Variants in CCDC57 observed in about 807,000 individuals in gnomAD.
CCDC57 encodes the protein coiled-coil domain containing 57.
In CCDC57, 118 loss-of-function variants were observed where a neutral mutation model predicts 118.9. The observed-to-expected ratio is 0.99, with a 90% CI of 0.86 to 1.16. The LOEUF is 1.16. CCDC57 is among the 50% of genes most tolerant of loss of function. The pLI is 0.00. For missense variants in CCDC57, 1,300 were observed against 1,320.7 expected (o/e 0.98, Z 0.24); for synonymous variants, 527 against 532.9 (o/e 0.99, Z 0.15).
intron 14 of CCDC57, chr17:82,159,946 G>T (rs36043222): frequency 0.46 from 69,138 of 149,100 alleles, 17,348 homozygotes; most frequent in East Asian, 0.88. Flanking sequence ...TGGGATTACA[G>T]GCGTGAGCCA....
chr17:82,136,261 GGAATT>G (rs1335307406), intron 16 of CCDC57, among the ~76,000 whole-genome samples: 1 of 152,212 alleles, frequency 6.6e-6, no homozygotes, highest in Non-Finnish European at 1.5e-5. Flanking sequence ...CCCATGGAAA[GGAATT>G]AAGTGCAGAC....
intron 11 of CCDC57, among the ~76,000 whole-genome samples, chr17:82,177,547 G>C (rs1292825473): frequency 6.6e-6 from 1 of 152,132 alleles, no homozygotes; most frequent in Non-Finnish European, 1.5e-5. Context: ...GACCGAGACC[G>C]TGTCTCAAAA....
intron 9 of CCDC57, among the ~76,000 whole-genome samples, chr17:82,182,320 G>A (rs370340855): frequency 2.0e-5 from 3 of 148,202 alleles, no homozygotes; most frequent in East Asian, 1.9e-4. Flanking sequence ...AGCTAAGAAC[G>A]TTATTACAAC....
intron 7 of CCDC57, among the ~76,000 whole-genome samples, chr17:82,188,851 A>G (rs1236584416): frequency 6.6e-6 from 1 of 152,258 alleles, no homozygotes; most frequent in East Asian, 1.9e-4. Flanking sequence ...AATTAGAGGC[A>G]AAGTCTTGCT....
intron 19 of CCDC57, chr17:82,106,158 C>T (rs1483706793): frequency 6.6e-6 from 1 of 152,416 alleles, no homozygotes; most frequent in Non-Finnish European, 1.5e-5. Context: ...CCCATCCCAG[C>T]CCTTGAGAGG....
intron 19 of CCDC57, among the ~76,000 whole-genome samples, chr17:82,103,481 C>T (rs78651556): frequency 0.14 from 21,871 of 152,238 alleles, 2,080 homozygotes; most frequent in East Asian, 0.28. Flanking sequence ...CTCCCTCCCC[C>T]CACCCCCCAC....
chr17:82,194,110 A>T, exon 6 of CCDC57: 1 of 1,613,924 alleles, frequency 6.2e-7, no homozygotes, highest in Non-Finnish European at 8.5e-7. Context: ...CTTCCTTCAG[A>T]GCCTCCAGCT....
chr17:82,126,514 G>T (rs892447180), intron 19 of CCDC57: 1 of 980,160 alleles, frequency 1.0e-6, no homozygotes, highest in African/African-American at 1.7e-5. Context: ...GGTAACTGAA[G>T]AACAGGGAAA....
Position 82,172,824 on chromosome 17 carries a change from C to A in CCDC57, c.1543G>T (p.Asp515Tyr), listed in dbSNP as rs758953795. ...CGCTGGATCTCACTGGATGGAAAGTCTTTACTTATTTCTTCTTCATGCTGC... is the reference window on the plus strand; with the variant it reads ...CGCTGGATCTCACTGGATGGAAAGTATTTACTTATTTCTTCTTCATGCTGC... Residue 515 changes from aspartate to tyrosine, a missense_variant, in exon 12 of 20, where the codon GAC becomes TAC. Transcript: ENST00000665763. This position sits in a 1 kb window ranked among gnomAD's most constrained non-coding sequence, Gnocchi z 5.2. 1 of 1,613,342 alleles carries A rather than the reference C, an allele frequency of 6.2e-7. No homozygotes were observed. The highest frequency in any genetic ancestry group is 8.5e-7 in the Non-Finnish European group (1 of 1,179,680).
At chr17:82,190,015 TA>T (rs943645477) in intron 7 of CCDC57, among the ~76,000 whole-genome samples, 2,615 of 141,438 alleles carry the variant, frequency 0.018, 88 homozygotes, top group African/African-American at 0.062. Context: ...TGTCTCAAAT[TA>T]AAAAAAAAAA....
intron 19 of CCDC57, among the ~76,000 whole-genome samples, chr17:82,116,269 G>A (rs1333984995): frequency 6.6e-6 from 1 of 151,908 alleles, no homozygotes; most frequent in African/African-American, 2.4e-5. Flanking sequence ...CAGCTGGAGA[G>A]TGGGGTGGGG....
chr17:82,201,388 A>G (rs2146901149), intron 3 of CCDC57, 150 bp downstream of exon 2: 1 of 989,470 alleles, frequency 1.0e-6, no homozygotes, highest in Non-Finnish European at 1.4e-6. Context: ...GCACTCGGCC[A>G]CTCAGACAGA....
intron 11 of CCDC57, among the ~76,000 whole-genome samples, chr17:82,174,029 G>A (rs887728800): frequency 6.6e-6 from 1 of 152,184 alleles, no homozygotes; most frequent in Admixed American, 6.5e-5. Context: ...CCCCAGATAC[G>A]GGAGAGGGAA....
At position 82,123,059 on chromosome 17, in the gene CCDC57, A is replaced by T. The variant is rs1027222959; in HGVS notation, c.2899+4633T>A. 2.0e-5 allele frequency among the ~76,000 whole-genome samples: 3 copies of T among 150,354 alleles called. No individual in the cohort carries two copies. In the East Asian group the frequency reaches 5.9e-4, roughly 29 times the overall value. On this transcript the variant is annotated intron_variant, in intron 19 of 19. Coordinates refer to ENST00000665763, the Ensembl canonical transcript of CCDC57. ...AAGCAGGGGCTGCTTCTCTGTCCTGACCTAACTGGACCTACCTGTAGCGTT... is the reference window on the plus strand; with the variant it reads ...AAGCAGGGGCTGCTTCTCTGTCCTGTCCTAACTGGACCTACCTGTAGCGTT...
chr17:82,145,661 G>T (rs2040627416), intron 16 of CCDC57, among the ~76,000 whole-genome samples: 1 of 152,180 alleles, frequency 6.6e-6, no homozygotes, highest in Non-Finnish European at 1.5e-5. Flanking sequence ...GGCGCAGAGG[G>T]AGGGTGAGCT....
intron 19 of CCDC57, among the ~76,000 whole-genome samples, chr17:82,102,979 T>A (rs2034569027): frequency 6.6e-6 from 1 of 152,060 alleles, no homozygotes; most frequent in South Asian, 2.1e-4. Flanking sequence ...TCTAGAGGAC[T>A]CCAGCACGTG....
chr17:82,142,722 A>C (rs1268792060), intron 16 of CCDC57, among the ~76,000 whole-genome samples: 3 of 146,316 alleles, frequency 2.1e-5, no homozygotes, highest in Non-Finnish European at 4.6e-5. Context: ...ATTGAGGAGC[A>C]TAAATAAATT....
At position 82,103,368 on chromosome 17, in the gene CCDC57, A is replaced by G. The variant is rs925280500; in HGVS notation, c.2900-1502T>C. On this transcript the variant is annotated intron_variant, in intron 19 of 19. Transcript: ENST00000665763. ...ACGCTGCCTGCTCCCTTTGTTTCCAACCCCCAGAGGAATTCCTCCTCTTCA... is the reference window on the plus strand; with the variant it reads ...ACGCTGCCTGCTCCCTTTGTTTCCAGCCCCCAGAGGAATTCCTCCTCTTCA... Among the ~76,000 whole-genome samples, 9 of 151,204 alleles carry G rather than the reference A, an allele frequency of 6.0e-5. 1 individual carries two copies. The highest frequency in any genetic ancestry group is 3.2e-3 in the Middle Eastern group (1 of 314).
chr17:82,126,109 C>A (rs151012975), intron 19 of CCDC57, among the ~76,000 whole-genome samples: 1 of 152,054 alleles, frequency 6.6e-6, no homozygotes, highest in Non-Finnish European at 1.5e-5. Flanking sequence ...TGTGAAACCC[C>A]GTCTCTACTA....
Sources: allele counts gnomAD v4.1 joint callset (sites outside exome capture counted in the v4.1 genomes callset), GRCh38; gene constraint gnomAD v4.1.1; non-coding constraint Gnocchi (gnomAD v3.1); transcripts MANE v1.5; gene names NCBI Gene and HGNC (gene_info 2026-07-23, HGNC 2026-07-21).